The following PPFIBP2 variants were observed in gnomAD, a reference collection of about 807,000 sequenced individuals.
PPFIBP2 encodes PPFIB scaffold protein 2, also known as liprin-beta-2.
In PPFIBP2, 118 loss-of-function variants were observed where a neutral mutation model predicts 118.3. The observed-to-expected ratio is 1.00, with a 90% CI of 0.86 to 1.16. The LOEUF is 1.16. Ranked by LOEUF, PPFIBP2 falls within the 50% of genes most tolerant of loss-of-function variation. The pLI, the probability that PPFIBP2 is intolerant of heterozygous loss-of-function variation, is 0.00. For missense variants in PPFIBP2, 1,195 were observed against 1,073.1 expected (o/e 1.11, Z -1.59); for synonymous variants, 414 against 397.4 (o/e 1.04, Z -0.50).
intron 9 of PPFIBP2, 107 bp from the exon 10 acceptor site, chr11:7,629,352 C>T (rs370652802): frequency 5.1e-5 from 55 of 1,075,728 alleles, no homozygotes; most frequent in Admixed American, 2.5e-4. Flanking sequence ...TTTGGTTCCA[C>T]GTGGGATTTC....
chr11:7,534,335 G>C (rs1851010453), intron 1 of PPFIBP2, among the ~76,000 whole-genome samples: 1 of 152,198 alleles, frequency 6.6e-6, no homozygotes, highest in African/African-American at 2.4e-5. Context: ...CCATCATTTA[G>C]CTTAACCTCT....
At chr11:7,655,625 C>CAGCCTG (rs893884574), downstream of PPFIBP2, 2 of 756,118 alleles carry the variant, frequency 2.6e-6, no homozygotes, top group Non-Finnish European at 3.9e-6. Flanking sequence ...GCTGGGGTCA[C>CAGCCTG]AGCCTGAGCC....
At chr11:7,581,163 C>T (rs1384527432) in intron 3 of PPFIBP2, among the ~76,000 whole-genome samples, 1 of 152,236 alleles carries the variant, frequency 6.6e-6, no homozygotes, top group Non-Finnish European at 1.5e-5. Context: ...ATAAGGTAGT[C>T]TCTTGCCACA....
At chr11:7,630,389 G>A (rs552119076) in intron 10 of PPFIBP2, among the ~76,000 whole-genome samples, 87 of 152,300 alleles carry the variant, frequency 5.7e-4, no homozygotes, top group South Asian at 3.1e-3. Flanking sequence ...TCAGCTCACC[G>A]TAACCTCTGC....
At chr11:7,536,260 C>T (rs189810817) in intron 1 of PPFIBP2, among the ~76,000 whole-genome samples, 1 of 152,090 alleles carries the variant, frequency 6.6e-6, no homozygotes, top group Non-Finnish European at 1.5e-5. Flanking sequence ...GGAACACAAG[C>T]GGCTGGCTGG....
downstream of PPFIBP2, among the ~76,000 whole-genome samples, chr11:7,656,381 G>C (rs1299266245): frequency 6.6e-6 from 1 of 152,206 alleles, no homozygotes. Context: ...TGTTTTCAAG[G>C]ACAAAACAGG....
chr11:7,589,167 A>C (rs1858756330), intron 3 of PPFIBP2, among the ~76,000 whole-genome samples: 3 of 152,320 alleles, frequency 2.0e-5, no homozygotes, highest in African/African-American at 7.2e-5. Context: ...CTAGTGGCTA[A>C]TGTCATTGGT....
chr11:7,514,152 G>T (rs574813005), intron 1 of PPFIBP2, 31 bp downstream of exon 1: 1 of 152,314 alleles, frequency 6.6e-6, no homozygotes, highest in Non-Finnish European at 1.5e-5. Context: ...CCCCGGGCTT[G>T]CCGCGCGGTC....
At chr11:7,593,976 A>G (rs565063208) in intron 4 of PPFIBP2, among the ~76,000 whole-genome samples, 184 of 152,352 alleles carry the variant, frequency 1.2e-3, no homozygotes, top group Non-Finnish European at 2.1e-3. Flanking sequence ...TTTGGAAAAT[A>G]TAAAGGCTAG....
chr11:7,608,705 A>G (rs560830674), intron 5 of PPFIBP2, among the ~76,000 whole-genome samples: 34 of 152,376 alleles, frequency 2.2e-4, no homozygotes, highest in African/African-American at 7.9e-4. Flanking sequence ...TCCTTGGCCA[A>G]AAGATTTATG....
intron 5 of PPFIBP2, among the ~76,000 whole-genome samples, chr11:7,600,482 C>T (rs1296485330): frequency 6.6e-6 from 1 of 152,248 alleles, no homozygotes; most frequent in Non-Finnish European, 1.5e-5. Flanking sequence ...CTGAGATATC[C>T]TGGGCTGCAG....
intron 3 of PPFIBP2, among the ~76,000 whole-genome samples, chr11:7,580,703 A>G (rs966621540): frequency 1.3e-5 from 2 of 152,222 alleles, no homozygotes; most frequent in African/African-American, 2.4e-5. Flanking sequence ...TCCAAGGTAA[A>G]TTATCTCAAA....
chr11:7,607,077 A>AT (rs1424896366), intron 5 of PPFIBP2, among the ~76,000 whole-genome samples: 5 of 149,646 alleles, frequency 3.3e-5, no homozygotes, highest in Admixed American at 3.3e-4. Context: ...CACCTGGCTA[A>AT]TTTTTTGTAT....
At chr11:7,663,738 T>G in the PPFIBP2 span, among the ~76,000 whole-genome samples, 2 of 150,946 alleles carry the variant, frequency 1.3e-5, no homozygotes, top group Admixed American at 1.3e-4. Context: ...CGGGCGCCCC[T>G]CCCCCAGCCT....
chr11:7,533,428 G>T (rs1043148484), intron 1 of PPFIBP2, among the ~76,000 whole-genome samples: 1 of 152,186 alleles, frequency 6.6e-6, no homozygotes, highest in Non-Finnish European at 1.5e-5. Context: ...CCTGTGCCAG[G>T]TTCTTTGCTG....
intron 3 of PPFIBP2, among the ~76,000 whole-genome samples, chr11:7,583,137 C>T (rs1422967965): frequency 6.6e-6 from 1 of 152,202 alleles, no homozygotes; most frequent in African/African-American, 2.4e-5. Context: ...TAACTTTGTT[C>T]CTATAGTCAT....
chr11:7,593,281 C>G, intron 4 of PPFIBP2, 57 bp downstream of exon 4: 1 of 1,581,188 alleles, frequency 6.3e-7, no homozygotes, highest in Non-Finnish European at 8.6e-7. Flanking sequence ...ATGTAGCTTC[C>G]CCTAAGTGGA....
chr11:7,538,226 C>G (rs1363778304), intron 1 of PPFIBP2: 1 of 152,338 alleles, frequency 6.6e-6, no homozygotes, highest in African/African-American at 2.4e-5. Flanking sequence ...CTCGTGGTGT[C>G]TCATTCTCAT....
At position 7,549,551 on chromosome 11, in the gene PPFIBP2, G is replaced by A. The variant is rs753464953; in HGVS notation, c.64+12G>A. 8 of 1,546,202 alleles carry A rather than the reference G, an allele frequency of 5.2e-6. No individual in the cohort carries two copies. The South Asian group carries it at 9.7e-5, about 19-fold the overall frequency. On this transcript the variant is annotated intron_variant, in intron 2 of 23. Transcript: ENST00000299492. ...CGGGATCATTGCAGGTACGCCCAGGGAACCCCAGCAACCAAGGTCTCATCC... is the reference window on the plus strand; with the variant it reads ...CGGGATCATTGCAGGTACGCCCAGGAAACCCCAGCAACCAAGGTCTCATCC...
Sources: gnomAD v4.1 joint callset for allele counts (sites outside exome capture counted in the v4.1 genomes callset) on GRCh38, gnomAD v4.1.1 for gene constraint, MANE v1.5 for transcripts, NCBI Gene and HGNC (gene_info 2026-07-23, HGNC 2026-07-21) for gene names.